The following CPAMD8 variants were observed in gnomAD, a reference collection of about 807,000 sequenced individuals.
The protein encoded by CPAMD8 is C3 and PZP like alpha-2-macroglobulin domain containing 8, also known as C3 and PZP-like alpha-2-macroglobulin domain-containing protein 8.
In CPAMD8, 146 loss-of-function variants were observed where a neutral mutation model predicts 224.7. That is an observed-to-expected ratio of 0.65 (90% CI 0.57 to 0.75). CPAMD8 has a LOEUF of 0.75. Among genes scored for constraint, CPAMD8 ranks in the 30% least tolerant of loss-of-function variants. The pLI is 0.00. For missense variants in CPAMD8, 2,301 were observed against 2,537.5 expected, an observed-to-expected ratio of 0.91 and a Z score of 2.00; for synonymous variants, 966 against 1,044.6, an observed-to-expected ratio of 0.92 and a Z score of 1.45.
At chr19:16,914,272 T>C in intron 29 of CPAMD8, 152 bp downstream of exon 29, 1 of 639,026 alleles carries the variant, frequency 1.6e-6, no homozygotes, top group Non-Finnish European at 2.8e-6. Flanking sequence ...GGATGTAATG[T>C]GACCATTGTT....
intron 32 of CPAMD8, 43 bp downstream of exon 32, chr19:16,904,183 C>T (rs1348493654): frequency 8.8e-7 from 1 of 1,135,836 alleles, no homozygotes; most frequent in Non-Finnish European, 1.3e-6. Flanking sequence ...GGGACCCCAC[C>T]CACCCAGCCC....
At chr19:16,917,076 A>C (rs995612629) in intron 27 of CPAMD8, among the ~76,000 whole-genome samples, 2 of 152,180 alleles carry the variant, frequency 1.3e-5, no homozygotes, top group African/African-American at 4.8e-5. Context: ...AAACAGGATA[A>C]ATGTTATCAA....
chr19:17,002,587 A>G, intron 8 of CPAMD8: 1 of 417,586 alleles, frequency 2.4e-6, no homozygotes, highest in South Asian at 3.5e-5. Flanking sequence ...TGTCACTTTT[A>G]GACCACGTGC....
intron 22 of CPAMD8, among the ~76,000 whole-genome samples, chr19:16,943,345 G>A (rs1421509165): frequency 1.3e-5 from 2 of 151,830 alleles, no homozygotes; most frequent in Admixed American, 6.6e-5. Context: ...TCGGTATCAC[G>A]TTTTCTAGGT....
chr19:16,938,315 C>T, intron 23 of CPAMD8, 80 bp downstream of exon 23: 1 of 695,848 alleles, frequency 1.4e-6, no homozygotes, highest in Non-Finnish European at 2.4e-6. Flanking sequence ...ACAGCCCCCA[C>T]AGTGTGGGAA....
chr19:17,009,295 C>G lies in CPAMD8; in HGVS notation c.504+8G>C, dbSNP rs768176842. The stretch of plus-strand genomic sequence containing the variant: ...AGTCCAAGCCGAGGAAGGACAGAGG[C>G]CACTCACCAGGATGTAGGCTTCCAG... On this transcript the variant is annotated splice_region_variant and intron_variant, in intron 6 of 41. Coordinates refer to ENST00000443236, the MANE Select transcript of CPAMD8 (RefSeq NM_015692.5). The G allele has an allele frequency of 6.2e-7, 1 of 1,614,050 alleles. No individual in the cohort carries two copies. The highest frequency in any genetic ancestry group is 1.1e-5 in the South Asian group (1 of 91,080).
chr19:16,902,915 G>A, intron 34 of CPAMD8, 52 bp from the exon 35 acceptor site: 4 of 1,211,224 alleles, frequency 3.3e-6, no homozygotes, highest in Non-Finnish European at 4.6e-6. Flanking sequence ...TCCATAACAG[G>A]TGCAGGGTAG....
intron 21 of CPAMD8, among the ~76,000 whole-genome samples, chr19:16,946,784 C>A (rs8112856): frequency 4.0e-5 from 6 of 149,564 alleles, no homozygotes; most frequent in Non-Finnish European, 8.9e-5. Flanking sequence ...CACATGTGGG[C>A]GTGTGTGTGG....
At chr19:16,967,900 T>C (rs2054904005) in intron 18 of CPAMD8, among the ~76,000 whole-genome samples, 1 of 150,608 alleles carries the variant, frequency 6.6e-6, no homozygotes, top group Admixed American at 6.6e-5. Context: ...CATGTGTGTG[T>C]ATATATGTGC....
intron 38 of CPAMD8, 21 bp downstream of exon 38, chr19:16,897,868 G>A: frequency 1.3e-6 from 2 of 1,593,636 alleles, no homozygotes; most frequent in Non-Finnish European, 1.7e-6. Flanking sequence ...CCGGGCCGGG[G>A]GTGCGGGCGC....
In CPAMD8 at chr19:16,909,134, G is replaced by A. The variant is rs142875145; in HGVS notation, c.3862-2017C>T. On this transcript the variant is annotated intron_variant, in intron 29 of 41. Coordinates refer to ENST00000443236, the MANE Select transcript of CPAMD8 (RefSeq NM_015692.5). ...GGCCCACCAAAAAGATATATTCCCT[G>A]GGACCTGTAAATGCTGACTTATTTA... Among the ~76,000 whole-genome samples the A allele has an allele frequency of 1.1e-4, 17 of 152,288 alleles. No individual in the cohort carries two copies. The East Asian group carries it at 3.3e-3, about 29-fold the overall frequency.
chr19:17,020,612 T>C (rs1246209728), intron 2 of CPAMD8, among the ~76,000 whole-genome samples: 1 of 152,084 alleles, frequency 6.6e-6, no homozygotes, highest in African/African-American at 2.4e-5. Context: ...CCTGCCTAAG[T>C]ACTTGATTTA....
intron 21 of CPAMD8, 96 bp from the exon 22 acceptor site, chr19:16,945,775 G>A: frequency 9.0e-7 from 1 of 1,111,352 alleles, no homozygotes; most frequent in Non-Finnish European, 1.4e-6. Context: ...GTGCATGCAT[G>A]CATGTGTGTG....
At chr19:16,978,079 C>T (rs372971812) in intron 14 of CPAMD8, among the ~76,000 whole-genome samples, 9 of 152,250 alleles carry the variant, frequency 5.9e-5, no homozygotes, top group African/African-American at 1.9e-4. Context: ...AAATACTCTA[C>T]GGCAAGAGAA....
At chr19:16,906,129 T>C (rs1399572556) in intron 30 of CPAMD8, among the ~76,000 whole-genome samples, 1 of 152,094 alleles carries the variant, frequency 6.6e-6, no homozygotes, top group Admixed American at 6.6e-5. Context: ...GCAAGGAAAG[T>C]GATGCTTGGG....
At chr19:16,905,832 G>A (rs1050787237) in intron 30 of CPAMD8, among the ~76,000 whole-genome samples, 1 of 152,178 alleles carries the variant, frequency 6.6e-6, no homozygotes, top group Non-Finnish European at 1.5e-5. Context: ...AGTAGGAGGA[G>A]ACTAAGTTTG....
intron 11 of CPAMD8, 128 bp from the exon 12 acceptor site, chr19:16,993,714 G>A: frequency 1.2e-6 from 1 of 834,868 alleles, no homozygotes; most frequent in Non-Finnish European, 1.8e-6. Flanking sequence ...AACTGCTCCT[G>A]AAATTCACAG....
At chr19:16,947,573 G>A (rs1016417354) in intron 20 of CPAMD8, among the ~76,000 whole-genome samples, 4 of 152,184 alleles carry the variant, frequency 2.6e-5, no homozygotes, top group African/African-American at 9.7e-5. Context: ...GACTCCAGAT[G>A]GATGTAACCT....
At chr19:16,954,723 G>A (rs1475728283) in intron 19 of CPAMD8, among the ~76,000 whole-genome samples, 2 of 152,270 alleles carry the variant, frequency 1.3e-5, no homozygotes, top group East Asian at 1.9e-4. Flanking sequence ...AGTGGCTCAC[G>A]CCTGTAATCC....
Sources: allele counts gnomAD v4.1 joint callset (sites outside exome capture counted in the v4.1 genomes callset), GRCh38; gene constraint gnomAD v4.1.1; transcripts MANE v1.5; gene names NCBI Gene and HGNC (gene_info 2026-07-23, HGNC 2026-07-21).